Variants in GLI2 observed in about 807,000 individuals in gnomAD.
GLI2 encodes GLI family zinc finger 2.
In GLI2, 22 loss-of-function variants were observed where a neutral mutation model predicts 78.9. That is an observed-to-expected ratio of 0.28 (90% confidence interval 0.20 to 0.40). GLI2 has a LOEUF of 0.40. Ranked by LOEUF, GLI2 falls within the 10% of genes least tolerant of loss-of-function variation. The pLI, the probability that GLI2 is intolerant of heterozygous loss-of-function variation, is 1.00. For missense variants in GLI2, 2,097 were observed against 2,213.2 expected (o/e 0.95, Z 1.05); for synonymous variants, 974 against 963.7 (o/e 1.01, Z -0.20).
At chr2:120,954,584 C>T (rs576262470) in intron 4 of GLI2, among the ~76,000 whole-genome samples, 2 of 152,300 alleles carry the variant, frequency 1.3e-5, no homozygotes, top group East Asian at 3.9e-4. Context: ...CCTGTGGACT[C>T]TTGATGGGGG....
At chr2:120,975,148 C>T (rs189501403) in intron 9 of GLI2, 39 bp downstream of exon 9, 169 of 1,602,876 alleles carry the variant, frequency 1.1e-4, no homozygotes, top group East Asian at 5.1e-4. Flanking sequence ...AACCGGGGCA[C>T]GGCCCAGGCC....
At chr2:120,971,821 T>G in intron 7 of GLI2, 120 bp from the exon 8 acceptor site, 2 of 888,662 alleles carry the variant, frequency 2.3e-6, no homozygotes, top group South Asian at 1.4e-5. Context: ...TCTGATACTT[T>G]AAACACAGGG....
chr2:120,968,460 T>C (rs1681963961), intron 5 of GLI2, among the ~76,000 whole-genome samples: 2 of 152,180 alleles, frequency 1.3e-5, no homozygotes, highest in African/African-American at 2.4e-5. Flanking sequence ...TCAGTGCTCA[T>C]ATTCACTCGC....
At chr2:120,844,222 C>G (rs938589438) in intron 2 of GLI2, among the ~76,000 whole-genome samples, 2 of 152,218 alleles carry the variant, frequency 1.3e-5, no homozygotes, top group African/African-American at 4.8e-5. Context: ...CACAACTACT[C>G]TCCTCTGCCA....
chr2:120,976,862 T>G (rs1682478643), intron 9 of GLI2, among the ~76,000 whole-genome samples: 1 of 152,196 alleles, frequency 6.6e-6, no homozygotes, highest in Non-Finnish European at 1.5e-5. Flanking sequence ...CCTGGAAAGA[T>G]GGATGGAGCA....
At chr2:120,870,562 G>T (rs965272867) in intron 2 of GLI2, among the ~76,000 whole-genome samples, 2 of 152,304 alleles carry the variant, frequency 1.3e-5, no homozygotes, top group East Asian at 3.9e-4. Flanking sequence ...GTGACTGCCA[G>T]TGACACCTGC....
intron 8 of GLI2, among the ~76,000 whole-genome samples, chr2:120,973,390 G>A (rs574427783): frequency 1.3e-5 from 2 of 152,316 alleles, no homozygotes; most frequent in East Asian, 3.9e-4. Flanking sequence ...CCCTATGCCC[G>A]CCCTCCAACC....
chr2:120,878,263 C>G (rs182321983), intron 2 of GLI2, among the ~76,000 whole-genome samples: 2 of 152,346 alleles, frequency 1.3e-5, no homozygotes, highest in Admixed American at 1.3e-4. Context: ...ACAATCTTTT[C>G]TCCTTACGAT....
At chr2:120,798,054 T>G (rs958905179) in intron 2 of GLI2, among the ~76,000 whole-genome samples, 6 of 152,124 alleles carry the variant, frequency 3.9e-5, no homozygotes, top group Non-Finnish European at 1.5e-5. Context: ...TTGGGAAAGT[T>G]TGGCGGGAAG....
intron 1 of GLI2, among the ~76,000 whole-genome samples, chr2:120,742,041 G>A (rs1682563033): frequency 6.6e-6 from 1 of 152,010 alleles, no homozygotes; most frequent in Non-Finnish European, 1.5e-5. Flanking sequence ...TTCCCCAGGA[G>A]GGGCTTCCAG....
chr2:120,847,587 C>A (rs1475983100), intron 2 of GLI2, among the ~76,000 whole-genome samples: 1 of 151,024 alleles, frequency 6.6e-6, no homozygotes, highest in Non-Finnish European at 1.5e-5. Context: ...TCTGGGCCTG[C>A]CACCGCCTAG....
chr2:120,858,401 T>C (rs1687757769), intron 2 of GLI2, among the ~76,000 whole-genome samples: 1 of 152,222 alleles, frequency 6.6e-6, no homozygotes, highest in Admixed American at 6.5e-5. Flanking sequence ...TGATCAAGGC[T>C]ACTTTGTTGA....
At chr2:120,882,596 G>A (rs933650779) in intron 2 of GLI2, among the ~76,000 whole-genome samples, 9 of 152,216 alleles carry the variant, frequency 5.9e-5, no homozygotes, top group Admixed American at 6.5e-5. Flanking sequence ...CTGTCTTTGA[G>A]CGCGGGTGTC....
At chr2:120,957,191 T>C (rs1681315780) in intron 5 of GLI2, among the ~76,000 whole-genome samples, 1 of 152,174 alleles carries the variant, frequency 6.6e-6, no homozygotes, top group South Asian at 2.1e-4. Flanking sequence ...TGGGAGGCCA[T>C]AACATGCCTC....
chr2:120,968,665 T>G, intron 5 of GLI2, 49 bp from the exon 6 acceptor site: 17 of 751,512 alleles, frequency 2.3e-5, no homozygotes, highest in Non-Finnish European at 3.1e-5. Context: ...TGTCACCCCC[T>G]CCCCCATCCC....
chr2:120,959,941 C>A (rs898152706), intron 5 of GLI2, among the ~76,000 whole-genome samples: 1 of 152,196 alleles, frequency 6.6e-6, no homozygotes, highest in African/African-American at 2.4e-5. Flanking sequence ...ACCAGGAAGC[C>A]CCCATACACA....
rs1472047755 is a variant in GLI2, at chr2:120,992,418, T to G, written c.*1743T>G. 1 of 152,222 alleles carries G rather than the reference T, an allele frequency of 6.6e-6. No individual in the cohort carries two copies. The highest frequency in any genetic ancestry group is 1.5e-5 in the Non-Finnish European group (1 of 68,046). The allele number at this position is 152,222 out of a possible 1,614,324, so 9.4% of individuals were successfully genotyped here. On this transcript the variant is annotated 3_prime_UTR_variant, in exon 14 of 14. Coordinates refer to ENST00000361492, the MANE Select transcript of GLI2 (RefSeq NM_001374353.1). ...TATATCTCCAAAACATTTTTAGCTT[T>G]TTCTACATGCTATGAATTGAGATGA...
At chr2:120,959,366 G>A (rs1321278642) in intron 5 of GLI2, among the ~76,000 whole-genome samples, 1 of 152,180 alleles carries the variant, frequency 6.6e-6, no homozygotes, top group African/African-American at 2.4e-5. Context: ...GGGGGTGGGA[G>A]CATTTTTCTT....
intron 2 of GLI2, among the ~76,000 whole-genome samples, chr2:120,907,295 A>T (rs1306357902): frequency 1.3e-5 from 2 of 152,070 alleles, no homozygotes; most frequent in Non-Finnish European, 2.9e-5. Context: ...GACCTGGCCC[A>T]GCACTTTTTC....
Sources: allele counts gnomAD v4.1 joint callset (sites outside exome capture counted in the v4.1 genomes callset), GRCh38; gene constraint gnomAD v4.1.1; transcripts MANE v1.5; gene names NCBI Gene and HGNC (gene_info 2026-07-23, HGNC 2026-07-21).